SARNP: variants seen among roughly 807,000 people sequenced by gnomAD.
SARNP encodes SAP domain containing ribonucleoprotein.
In SARNP, 5 loss-of-function variants were observed where a neutral mutation model predicts 38.1. The ratio of observed to expected loss-of-function variants is 0.13; its 90% confidence interval spans 0.07 to 0.28. The LOEUF is 0.28. Ranked by LOEUF, SARNP falls within the 10% of genes least tolerant of loss-of-function variation. SARNP has a pLI of 1.00. For missense variants in SARNP, 180 were observed against 243.9 expected (o/e 0.74, Z 1.75); for synonymous variants, 84 against 80.6 (o/e 1.04, Z -0.23).
At chr12:55,783,533 C>T (rs1002464293) in intron 9 of SARNP, among the ~76,000 whole-genome samples, 9 of 148,566 alleles carry the variant, frequency 6.1e-5, no homozygotes, top group African/African-American at 2.0e-4. Flanking sequence ...CATGAACAAA[C>T]AGACTTTTCT....
At chr12:55,766,001 T>C (rs577883005) in intron 9 of SARNP, among the ~76,000 whole-genome samples, 2 of 152,292 alleles carry the variant, frequency 1.3e-5, no homozygotes, top group South Asian at 4.1e-4. Context: ...CATGGGATGG[T>C]GAACCCCATC....
At chr12:55,760,684 T>C (rs1317675911) in intron 9 of SARNP, 44 bp from the exon 10 acceptor site, 2 of 1,297,450 alleles carry the variant, frequency 1.5e-6, no homozygotes, top group Admixed American at 1.7e-5. Context: ...CTAGCCTCCA[T>C]TCACCAAGTA....
chr12:55,758,518 G>A (rs554049319), intron 10 of SARNP, among the ~76,000 whole-genome samples: 34 of 152,144 alleles, frequency 2.2e-4, no homozygotes, highest in Non-Finnish European at 8.8e-5. Context: ...GGTGGCACAC[G>A]CCTGTAATCC....
At chr12:55,763,020 C>T (rs960440079) in intron 9 of SARNP, among the ~76,000 whole-genome samples, 10 of 152,264 alleles carry the variant, frequency 6.6e-5, no homozygotes, top group African/African-American at 2.4e-4. Flanking sequence ...AATTAAGAAT[C>T]CTATACAAGT....
downstream of SARNP, chr12:55,753,228 T>C (rs1343077045): frequency 6.6e-6 from 1 of 152,212 alleles, no homozygotes; most frequent in African/African-American, 2.4e-5. Flanking sequence ...AAGGTTCTCT[T>C]GAGATGATCC....
intron 1 of SARNP, 42 bp from the exon 2 acceptor site, chr12:55,803,770 G>T: frequency 7.8e-7 from 1 of 1,282,952 alleles, no homozygotes; most frequent in Non-Finnish European, 1.1e-6. Context: ...TTAACAGGAT[G>T]AACACCAGTG....
At chr12:55,806,869 C>T (rs1402728896) in intron 1 of SARNP, among the ~76,000 whole-genome samples, 1 of 152,226 alleles carries the variant, frequency 6.6e-6, no homozygotes, top group Non-Finnish European at 1.5e-5. Context: ...GCATTTAGAA[C>T]AGTGCTTGAC....
intron 1 of SARNP, among the ~76,000 whole-genome samples, chr12:55,812,818 A>G (rs1399637979): frequency 6.6e-6 from 1 of 152,268 alleles, no homozygotes; most frequent in Non-Finnish European, 1.5e-5. Flanking sequence ...ATCGTTATTG[A>G]GCACCTACTG....
At chr12:55,789,672 G>A (rs1014124179) in intron 8 of SARNP, among the ~76,000 whole-genome samples, 1 of 152,014 alleles carries the variant, frequency 6.6e-6, no homozygotes, top group Non-Finnish European at 1.5e-5. Context: ...GGCCAGGCGC[G>A]GTGGCTCACG....
intron 1 of SARNP, among the ~76,000 whole-genome samples, 183 bp from the exon 2 acceptor site, chr12:55,803,911 A>C (rs761609527): frequency 1.3e-5 from 2 of 152,244 alleles, no homozygotes; most frequent in Non-Finnish European, 2.9e-5. Context: ...TATTCAATAT[A>C]CAAGAGGAAC....
intron 1 of SARNP, among the ~76,000 whole-genome samples, chr12:55,813,372 G>A (rs1411884427): frequency 6.6e-6 from 1 of 152,062 alleles, no homozygotes; most frequent in Non-Finnish European, 1.5e-5. Flanking sequence ...CACCTGAAAG[G>A]GGTGTAGTAA....
chr12:55,767,927 C>T (rs1418522910), intron 9 of SARNP, among the ~76,000 whole-genome samples: 1 of 150,038 alleles, frequency 6.7e-6, no homozygotes, highest in Non-Finnish European at 1.5e-5. Context: ...TGAGCAAAAT[C>T]ACCAAAGGCT....
intron 5 of SARNP, 76 bp from the exon 6 acceptor site, chr12:55,794,956 T>TA: frequency 2.9e-5 from 10 of 344,642 alleles, no homozygotes; most frequent in South Asian, 8.6e-5. Flanking sequence ...GTAGGTATCT[T>TA]TAAAAAAAAA....
At chr12:55,767,544 G>C (rs1402143136) in intron 9 of SARNP, among the ~76,000 whole-genome samples, 1 of 151,868 alleles carries the variant, frequency 6.6e-6, no homozygotes, top group Non-Finnish European at 1.5e-5. Flanking sequence ...GTGAGATCTT[G>C]TCTCAAAAAT....
At chr12:55,767,298 C>G (rs1453082471) in intron 9 of SARNP, among the ~76,000 whole-genome samples, 1 of 151,866 alleles carries the variant, frequency 6.6e-6, no homozygotes, top group Non-Finnish European at 1.5e-5. Flanking sequence ...CCATCCCAAG[C>G]ACTTTGGGAG....
chr12:55,767,349 C>A (rs1347322372), intron 9 of SARNP, among the ~76,000 whole-genome samples: 1 of 150,428 alleles, frequency 6.6e-6, no homozygotes, highest in East Asian at 2.0e-4. Flanking sequence ...AGTTCAAGAC[C>A]AACCTGGGCA....
downstream of SARNP, chr12:55,753,464 C>T (rs1281391067): frequency 6.6e-6 from 1 of 152,122 alleles, no homozygotes. Flanking sequence ...GCCTGACTCA[C>T]ATTTTTCAAA....
At chr12:55,768,471 C>T (rs1465481999) in intron 9 of SARNP, among the ~76,000 whole-genome samples, 1 of 151,542 alleles carries the variant, frequency 6.6e-6, no homozygotes, top group African/African-American at 2.4e-5. Flanking sequence ...ATCGCCCAGG[C>T]TAGAGTGTAG....
At chr12:55,776,295 G>A (rs1004449073) in intron 9 of SARNP, among the ~76,000 whole-genome samples, 3 of 152,112 alleles carry the variant, frequency 2.0e-5, no homozygotes, top group Admixed American at 2.0e-4. Context: ...TTAGCCGGGT[G>A]TGGTGGTGCA....
Sources: allele counts gnomAD v4.1 joint callset (sites outside exome capture counted in the v4.1 genomes callset), GRCh38; gene constraint gnomAD v4.1.1; transcripts MANE v1.5; gene names NCBI Gene and HGNC (gene_info 2026-07-23, HGNC 2026-07-21).